AGBL4: variants seen among roughly 807,000 people sequenced by gnomAD.
The protein encoded by AGBL4 is AGBL carboxypeptidase 4.
AGBL4 carries 58 observed loss-of-function variants against 66.4 expected under a neutral mutation model. The ratio of observed to expected loss-of-function variants is 0.87; its 90% confidence interval spans 0.71 to 1.09. The LOEUF is 1.09. AGBL4 is among the 50% of genes least tolerant of loss of function. The probability of loss-of-function intolerance (pLI) is 0.00; values close to 1 mark genes in which losing one functional copy is unlikely to be tolerated. For synonymous variants in AGBL4, 234 were observed against 222.9 expected (o/e 1.05, Z -0.44); for missense variants, 579 against 631.0 (o/e 0.92, Z 0.88).
intron 4 of AGBL4, among the ~76,000 whole-genome samples, chr1:49,202,683 T>G (rs950529303): frequency 6.6e-6 from 1 of 152,022 alleles, no homozygotes; most frequent in Non-Finnish European, 1.5e-5. Flanking sequence ...TAGAAAAGCT[T>G]TATACATTGC....
At chr1:48,979,592 A>G (rs1242676077) in intron 5 of AGBL4, among the ~76,000 whole-genome samples, 1 of 152,172 alleles carries the variant, frequency 6.6e-6, no homozygotes, top group Non-Finnish European at 1.5e-5. Flanking sequence ...AAATAATCCA[A>G]AATCTTTAAT....
rs545386643 is a variant in AGBL4, at chr1:49,021,269, G to A, written c.594+24315C>T. Among the ~76,000 whole-genome samples the A allele has an allele frequency of 6.6e-5, 10 of 152,174 alleles. No homozygotes were observed. In the South Asian group the frequency reaches 1.2e-3, roughly 19 times the overall value. Reference sequence around the variant, plus strand: ...TCCCATGTTTCAGAGAATAATAATCGCAACCTATTTTTAATTATAAAGAGG... The same window carrying A: ...TCCCATGTTTCAGAGAATAATAATCACAACCTATTTTTAATTATAAAGAGG... On this transcript the variant is annotated intron_variant, in intron 5 of 13. Coordinates refer to ENST00000371839, the MANE Select transcript of AGBL4 (RefSeq NM_032785.4).
At chr1:49,685,238 G>A (rs962582126) in intron 3 of AGBL4, among the ~76,000 whole-genome samples, 1 of 152,108 alleles carries the variant, frequency 6.6e-6, no homozygotes, top group Non-Finnish European at 1.5e-5. Context: ...TTCTTTTATG[G>A]CTGCACAGTA....
At chr1:49,669,557 T>C (rs905905902) in intron 3 of AGBL4, among the ~76,000 whole-genome samples, 38 of 152,164 alleles carry the variant, frequency 2.5e-4, no homozygotes, top group Non-Finnish European at 3.4e-4. Flanking sequence ...TTTTGTTCAT[T>C]TGACCATTTT....
intron 3 of AGBL4, among the ~76,000 whole-genome samples, chr1:49,604,906 G>A (rs1645035347): frequency 1.3e-5 from 2 of 152,138 alleles, no homozygotes; most frequent in South Asian, 4.2e-4. Flanking sequence ...CACATACAGA[G>A]CTTTCAATGA....
intron 4 of AGBL4, among the ~76,000 whole-genome samples, chr1:49,124,151 C>T (rs1645718941): frequency 1.3e-5 from 2 of 152,064 alleles, no homozygotes; most frequent in Admixed American, 6.6e-5. Context: ...TGAAATATAA[C>T]AAATCAGTCA....
At chr1:49,253,494 T>G (rs1327829722) in intron 3 of AGBL4, among the ~76,000 whole-genome samples, 1 of 151,866 alleles carries the variant, frequency 6.6e-6, no homozygotes, top group Admixed American at 6.5e-5. Context: ...AATCCCTGAA[T>G]AGACAAATAA....
chr1:48,721,734 C>T (rs1481178518), intron 6 of AGBL4, among the ~76,000 whole-genome samples: 1 of 152,238 alleles, frequency 6.6e-6, no homozygotes, highest in East Asian at 1.9e-4. Context: ...AGGCACAGAG[C>T]TGTCTTTCCA....
chr1:49,895,588 G>T (rs188679678), intron 1 of AGBL4, among the ~76,000 whole-genome samples: 1 of 152,128 alleles, frequency 6.6e-6, no homozygotes, highest in Non-Finnish European at 1.5e-5. Context: ...AAGTTGAAAT[G>T]TAGAGTTTTT....
At chr1:49,791,680 C>G (rs976849354) in intron 2 of AGBL4, among the ~76,000 whole-genome samples, 32 of 152,104 alleles carry the variant, frequency 2.1e-4, no homozygotes, top group African/African-American at 7.5e-4. Context: ...CTGTCTCCAT[C>G]CCTGCCTTCT....
chr1:49,157,637 A>G (rs1646460066), intron 4 of AGBL4, among the ~76,000 whole-genome samples: 3 of 152,130 alleles, frequency 2.0e-5, no homozygotes, highest in African/African-American at 7.2e-5. Flanking sequence ...CTGGGCCTAG[A>G]TCCTTGAGAA....
chr1:48,763,643 A>G (rs560364298), intron 6 of AGBL4, among the ~76,000 whole-genome samples: 2 of 152,356 alleles, frequency 1.3e-5, no homozygotes, highest in South Asian at 2.1e-4. Flanking sequence ...ATTAGAAATG[A>G]CAAGCTATGC....
intron 4 of AGBL4, among the ~76,000 whole-genome samples, chr1:49,243,909 G>A (rs72897731): frequency 0.011 from 1,672 of 151,844 alleles, 28 homozygotes; most frequent in African/African-American, 0.029. Context: ...GACCATTAGA[G>A]GAGTCCAATG....
intron 1 of AGBL4, among the ~76,000 whole-genome samples, chr1:49,887,004 G>A (rs1444337448): frequency 6.6e-6 from 1 of 151,884 alleles, no homozygotes; most frequent in African/African-American, 2.4e-5. Flanking sequence ...GCATTTACCA[G>A]GTACTCACTC....
chr1:49,956,351 T>C lies in AGBL4; in HGVS notation c.34+67412A>G, dbSNP rs1050640415. Among the ~76,000 whole-genome samples, 7 of 151,806 alleles carry C rather than the reference T, an allele frequency of 4.6e-5. 1 individual carries two copies. Among genetic ancestry groups the C allele is most frequent in the South Asian group, 4.1e-4 (2 of 4,830 alleles). The stretch of plus-strand genomic sequence containing the variant: ...GTGACATACATTTCTACCTACTCTC[T>C]CCAGCTCTAACTTTAGATCAATATT... On this transcript the variant is annotated intron_variant, in intron 1 of 13. Coordinates refer to ENST00000371839, the MANE Select transcript of AGBL4 (RefSeq NM_032785.4).
chr1:48,819,597 C>T lies in AGBL4; in HGVS notation c.634+47594G>A, dbSNP rs188539997. On this transcript the variant is annotated intron_variant, in intron 6 of 13. Coordinates refer to ENST00000371839, the MANE Select transcript of AGBL4 (RefSeq NM_032785.4). ...CAATTTGGGGACTACAGCAGTAGTT[C>T]TGGTGAAAGTTGCAAAGTGTGAACC... 1.7e-3 allele frequency among the ~76,000 whole-genome samples: 254 copies of T among 152,234 alleles called. 1 individual carries two copies. Among genetic ancestry groups the T allele is most frequent in the Non-Finnish European group, 1.9e-3 (132 of 68,010 alleles).
At chr1:49,702,534 CA>C (rs911373229) in intron 2 of AGBL4, among the ~76,000 whole-genome samples, 1 of 151,418 alleles carries the variant, frequency 6.6e-6, no homozygotes, top group Middle Eastern at 3.4e-3. Flanking sequence ...AAACTCTTGC[CA>C]AAAAAAATTG....
chr1:49,045,660 C>T lies in AGBL4; in HGVS notation c.518G>A (p.Arg173His), dbSNP rs749521128. Reference protein sequence around the residue: ...FAYCYPYTYTRFQHYLDSLQK... With the variant: ...FAYCYPYTYTHFQHYLDSLQK... ...CAGGCTGTCAAGGTAATGTTGGAAG[C>T]GAGTGTATGTATATGGGTAGCAGTA... The change falls in exon 5 of 14, where the codon CGC (arginine) becomes CAC (histidine). Residue 173 changes from arginine to histidine, a missense_variant. Coordinates refer to ENST00000371839, the MANE Select transcript of AGBL4 (RefSeq NM_032785.4). The T allele has an allele frequency of 1.4e-5, 23 of 1,589,328 alleles. No individual in the cohort carries two copies. Among genetic ancestry groups the T allele is most frequent in the South Asian group, 1.1e-5 (1 of 87,074 alleles).
At chr1:49,356,554 A>G (rs1040609853) in intron 3 of AGBL4, among the ~76,000 whole-genome samples, 3 of 152,230 alleles carry the variant, frequency 2.0e-5, no homozygotes, top group Non-Finnish European at 4.4e-5. Context: ...ATAAGACACT[A>G]TCAGCACAGC....
Sources: gnomAD v4.1 joint callset for allele counts (sites outside exome capture counted in the v4.1 genomes callset) on GRCh38, gnomAD v4.1.1 for gene constraint, MANE v1.5 for transcripts, NCBI Gene and HGNC (gene_info 2026-07-23, HGNC 2026-07-21) for gene names.